The following DMD variants were observed in gnomAD, a reference collection of about 807,000 sequenced individuals.
DMD encodes the protein dystrophin.
A neutral mutation model predicts 330.1 loss-of-function variants in DMD; 63 were observed. That is an observed-to-expected ratio of 0.19 (90% confidence interval 0.16 to 0.24). The LOEUF (loss-of-function observed/expected upper bound fraction) is 0.24, where lower values mean the gene tolerates loss of function less well. Among genes scored for constraint, DMD ranks in the 10% least tolerant of loss-of-function variants. The probability of loss-of-function intolerance (pLI) is 1.00; values close to 1 mark genes in which losing one functional copy is unlikely to be tolerated. For synonymous variants in DMD, 1,223 were observed against 959.8 expected, an observed-to-expected ratio of 1.27 and a Z score of -5.07; for missense variants, 3,344 against 2,684.1, an observed-to-expected ratio of 1.25 and a Z score of -5.43.
At chrX:31,692,620 G>A (rs990540265) in intron 52 of DMD, among the ~76,000 whole-genome samples, 2 of 111,526 alleles carry the variant, frequency 1.8e-5, no homozygotes, top group East Asian at 5.6e-4. Context: ...AGGATCCTAA[G>A]AGACTACGAT....
chrX:31,408,763 T>C (rs903282680), intron 60 of DMD, among the ~76,000 whole-genome samples: 41 of 112,153 alleles, frequency 3.7e-4, no homozygotes, highest in African/African-American at 1.3e-3. Flanking sequence ...TTACTACTTT[T>C]ATTATACAAT....
At chrX:32,729,752 G>GTTCC (rs1556966425) in intron 7 of DMD, among the ~76,000 whole-genome samples, 6 of 110,048 alleles carry the variant, frequency 5.5e-5, no homozygotes, top group Admixed American at 2.0e-4. Context: ...ACATGTTCTG[G>GTTCC]TTCTTTAATA....
At chrX:32,948,549 C>T (rs1438252468) in intron 2 of DMD, among the ~76,000 whole-genome samples, 1 of 112,003 alleles carries the variant, frequency 8.9e-6, no homozygotes, top group Non-Finnish European at 1.9e-5. Flanking sequence ...TTTACATGCT[C>T]ATTCTTTCTT....
At chrX:32,681,024 G>T (rs771685602) in intron 9 of DMD, among the ~76,000 whole-genome samples, 5 of 112,334 alleles carry the variant, frequency 4.5e-5, no homozygotes, top group African/African-American at 6.4e-5. Flanking sequence ...GTAAGTGATA[G>T]TTTTCCTCTT....
rs1555971975 is a variant in DMD, at chrX:31,121,442, A to ATGTATG, written c.*476_*477insCATACA. ...CTCAAAGTTTTGTGTGTGTGTGTGT[A>ATGTATG]TGTGTGTGTGTGTGTGTTTGTTTTG... On this transcript the variant is annotated 3_prime_UTR_variant, in exon 79 of 79. Coordinates refer to ENST00000357033, the MANE Select transcript of DMD (RefSeq NM_004006.3). 5.1e-3 allele frequency: 656 copies of ATGTATG among 127,831 alleles called. 3 individuals are homozygous for ATGTATG. The highest frequency in any genetic ancestry group is 0.021 in the African/African-American group (600 of 28,013). 10.5% of individuals were successfully genotyped at this position (127,831 alleles called of 1,213,427 possible). A position where few individuals can be genotyped will look rare whatever the true frequency, so the allele number is the denominator to read the frequency against.
chrX:33,098,651 G>A (rs1435527126), intron 1 of DMD, among the ~76,000 whole-genome samples: 1 of 111,721 alleles, frequency 9.0e-6, no homozygotes, highest in East Asian at 2.8e-4. Flanking sequence ...CCCTGGTGCT[G>A]CAAAGAAACA....
chrX:32,876,298 A>C (rs948528086), intron 2 of DMD, among the ~76,000 whole-genome samples: 2 of 112,077 alleles, frequency 1.8e-5, no homozygotes, highest in African/African-American at 6.5e-5. Flanking sequence ...GTCAGTTATA[A>C]TAAACTCTAA....
intron 74 of DMD, among the ~76,000 whole-genome samples, chrX:31,167,104 G>T (rs1055181294): frequency 9.0e-6 from 1 of 111,543 alleles, no homozygotes; most frequent in Admixed American, 9.5e-5. Context: ...GGAATATGCC[G>T]CAATTCTATG....
intron 9 of DMD, among the ~76,000 whole-genome samples, chrX:32,654,261 C>A (rs1314957635): frequency 9.0e-6 from 1 of 111,634 alleles, no homozygotes; most frequent in Non-Finnish European, 1.9e-5. Context: ...AGTTTTTGCC[C>A]ATTCAATATG....
chrX:31,342,672 A>G (rs1261076786), intron 61 of DMD, among the ~76,000 whole-genome samples: 1 of 112,217 alleles, frequency 8.9e-6, no homozygotes, highest in Non-Finnish European at 1.9e-5. Flanking sequence ...TTTTACTGTT[A>G]TAGAATGATT....
chrX:31,538,002 C>A (rs1425747393), intron 55 of DMD, among the ~76,000 whole-genome samples: 2 of 112,126 alleles, frequency 1.8e-5, no homozygotes, highest in Non-Finnish European at 3.8e-5. Flanking sequence ...GAGAATATAC[C>A]AGCAAACACA....
chrX:31,880,167 C>T (rs2094036779), intron 47 of DMD, among the ~76,000 whole-genome samples: 1 of 111,625 alleles, frequency 9.0e-6, no homozygotes, highest in African/African-American at 3.3e-5. Context: ...GATTTCATAA[C>T]ACAAAACATT....
At chrX:31,302,088 G>T (rs921963880) in intron 62 of DMD, among the ~76,000 whole-genome samples, 17 of 112,009 alleles carry the variant, frequency 1.5e-4, no homozygotes, top group Middle Eastern at 4.6e-3. Flanking sequence ...ACTCAACAAT[G>T]ACAACCAAAG....
At chrX:32,255,206 T>C (rs1965728331) in intron 43 of DMD, among the ~76,000 whole-genome samples, 2 of 112,162 alleles carry the variant, frequency 1.8e-5, no homozygotes, top group African/African-American at 6.5e-5. Flanking sequence ...TACATTTGTT[T>C]CTACCTTTTC....
chrX:32,986,349 T>C (rs931043742), intron 2 of DMD, among the ~76,000 whole-genome samples: 2 of 112,444 alleles, frequency 1.8e-5, no homozygotes, highest in Non-Finnish European at 3.8e-5. Context: ...GAAATTTAGT[T>C]ACTATAAATA....
intron 74 of DMD, among the ~76,000 whole-genome samples, chrX:31,152,310 C>G (rs1271885123): frequency 9.3e-6 from 1 of 107,226 alleles, no homozygotes; most frequent in East Asian, 3.0e-4. Context: ...ATTACAGGTG[C>G]CTGCCACCAT....
In DMD at chrX:31,263,289, A is replaced by C. The variant is rs752869085; in HGVS notation, c.9225-2273T>G. 6.2e-5 allele frequency among the ~76,000 whole-genome samples: 7 copies of C among 112,308 alleles called. No individual in the cohort carries two copies. The Admixed American group carries it at 6.6e-4, about 11-fold the overall frequency. ...ATAAACCTGTACCAAACACAGTTCT[A>C]AAAGGAAAGGGAAACAGTGTGTACA... is the stretch of plus-strand genomic sequence containing the variant. On this transcript the variant is annotated intron_variant, in intron 62 of 78. Transcript: ENST00000357033.
chrX:31,360,650 G>C (rs1305550184), intron 60 of DMD, among the ~76,000 whole-genome samples: 2 of 112,140 alleles, frequency 1.8e-5, no homozygotes, highest in African/African-American at 6.5e-5. Flanking sequence ...TCTCACCCTA[G>C]GTGAGGAGGA....
At chrX:32,780,934 A>AAAAAAAAAAT (rs1293088100) in intron 7 of DMD, among the ~76,000 whole-genome samples, 2 of 90,585 alleles carry the variant, frequency 2.2e-5, no homozygotes, top group South Asian at 4.2e-4. Context: ...TACTAAAAAT[A>AAAAAAAAAAT]AAAAAAAAAT....
Sources: allele counts gnomAD v4.1 joint callset (sites outside exome capture counted in the v4.1 genomes callset), GRCh38; gene constraint gnomAD v4.1.1; transcripts MANE v1.5; gene names NCBI Gene and HGNC (gene_info 2026-07-23, HGNC 2026-07-21).